NDFIP2: variants seen among roughly 807,000 people sequenced by gnomAD.
The protein encoded by NDFIP2 is Nedd4 family interacting protein 2, also known as NEDD4 family-interacting protein 2.
Under a neutral mutation model 36.0 loss-of-function variants are expected in NDFIP2, and 19 were observed. The ratio of observed to expected loss-of-function variants is 0.53; its 90% CI spans 0.37 to 0.77. NDFIP2 has a LOEUF of 0.77. Among genes scored for constraint, NDFIP2 ranks in the 30% least tolerant of loss-of-function variants. The pLI is 0.00. For missense variants in NDFIP2, 446 were observed against 435.8 expected, an observed-to-expected ratio of 1.02 and a Z score of -0.21; for synonymous variants, 181 against 167.7, an observed-to-expected ratio of 1.08 and a Z score of -0.61.
intron 2 of NDFIP2, among the ~76,000 whole-genome samples, chr13:79,527,890 T>TG (rs879682159): frequency 1.3e-5 from 2 of 152,080 alleles, no homozygotes; most frequent in Non-Finnish European, 2.9e-5. Flanking sequence ...GGGACAAATG[T>TG]GGAGGTGGAA....
intron 2 of NDFIP2, among the ~76,000 whole-genome samples, chr13:79,523,439 C>G (rs1401631801): frequency 6.6e-6 from 1 of 152,094 alleles, no homozygotes; most frequent in Non-Finnish European, 1.5e-5. Context: ...AGGCTGGTCT[C>G]GAACTCCTGA....
chr13:79,523,777 C>T (rs1010258577), intron 2 of NDFIP2, among the ~76,000 whole-genome samples: 3 of 152,130 alleles, frequency 2.0e-5, no homozygotes, highest in Non-Finnish European at 4.4e-5. Flanking sequence ...GTTAAGGCTA[C>T]TATTGATCTT....
At chr13:79,487,099 A>G (rs558028367) in intron 1 of NDFIP2, among the ~76,000 whole-genome samples, 9 of 152,296 alleles carry the variant, frequency 5.9e-5, no homozygotes, top group African/African-American at 2.2e-4. Context: ...GAGAGACACA[A>G]ACATTCAGTT....
chr13:79,500,270 ACTC>A lies in NDFIP2; in HGVS notation c.321+18749_321+18751del, dbSNP rs555173848. ...TAAATGTAAAAGGCAAAACTATAAA[ACTC>A]CTAAAAGATAACATAAGAGAAAAGC... is the stretch of plus-strand genomic sequence containing the variant. On this transcript the variant is annotated intron_variant, in intron 1 of 7. Coordinates refer to ENST00000218652, the MANE Select transcript of NDFIP2 (RefSeq NM_019080.3). Among the ~76,000 whole-genome samples the A allele has an allele frequency of 3.6e-4, 54 of 151,964 alleles. No homozygotes were observed. The South Asian group carries it at 0.011, about 30-fold the overall frequency.
rs1190889696 is a variant in NDFIP2 at position 79,556,061 on chromosome 13, C to T, written c.*3548C>T. Reference sequence around the variant, plus strand: ...GGTTTAATTTTAATAAACAAAATATCATCTTTTTGAAAATAATTTATGTTC... The same window carrying T: ...GGTTTAATTTTAATAAACAAAATATTATCTTTTTGAAAATAATTTATGTTC... On this transcript the variant is annotated 3_prime_UTR_variant, in exon 8 of 8. Coordinates refer to ENST00000218652, the MANE Select transcript of NDFIP2 (RefSeq NM_019080.3). 6.6e-6 allele frequency: 1 copy of T among 152,076 alleles called. No homozygotes were observed. Among genetic ancestry groups the T allele is most frequent in the Admixed American group, 6.6e-5 (1 of 15,258 alleles). 9.4% of individuals were successfully genotyped at this position (152,076 alleles called of 1,614,324 possible). A position where few individuals can be genotyped will look rare whatever the true frequency, so the allele number is the denominator to read the frequency against.
At chr13:79,540,693 T>C (rs1875420612) in intron 4 of NDFIP2, among the ~76,000 whole-genome samples, 1 of 152,188 alleles carries the variant, frequency 6.6e-6, no homozygotes, top group Non-Finnish European at 1.5e-5. Context: ...GTTGTCACTT[T>C]TGAGTCTGAA....
intron 4 of NDFIP2, among the ~76,000 whole-genome samples, chr13:79,543,037 C>G (rs139262490): frequency 6.6e-6 from 1 of 151,998 alleles, no homozygotes; most frequent in Non-Finnish European, 1.5e-5. Flanking sequence ...CCACCACACC[C>G]GGCTAATTTT....
chr13:79,543,658 G>A lies in NDFIP2; in HGVS notation c.816G>A (p.Leu272=). ...YGAICGFGLS[L]IKWILIVRFS... is the part of the protein sequence containing the mutation. ...CTATCTGCGGATTTGGCCTTTCCTT[G>A]ATCAAATGGATCCTTATTGTCAGGG... Residue 272 remains leucine, a synonymous_variant, in exon 5 of 8, where the codon TTG becomes TTA. Transcript: ENST00000218652. The A allele has an allele frequency of 6.2e-7, 1 of 1,613,710 alleles. No homozygotes were observed. The highest frequency in any genetic ancestry group is 1.1e-5 in the South Asian group (1 of 91,040).
At chr13:79,539,863 T>C (rs1056683195) in intron 4 of NDFIP2, 88 bp downstream of exon 4, 10 of 986,974 alleles carry the variant, frequency 1.0e-5, no homozygotes, top group Non-Finnish European at 1.6e-5. Flanking sequence ...AAGCAAATAT[T>C]GTTAGCATAT....
intron 1 of NDFIP2, among the ~76,000 whole-genome samples, chr13:79,503,351 G>A (rs574106155): frequency 9.2e-5 from 14 of 152,260 alleles, no homozygotes; most frequent in African/African-American, 3.1e-4. Flanking sequence ...CCCAAATTGA[G>A]TCTTAATGGG....
chr13:79,494,065 A>AT (rs1038142691), intron 1 of NDFIP2, among the ~76,000 whole-genome samples: 2 of 152,118 alleles, frequency 1.3e-5, no homozygotes, highest in African/African-American at 4.8e-5. Flanking sequence ...TATTTTTAAC[A>AT]TATGCAGTTT....
intron 4 of NDFIP2, among the ~76,000 whole-genome samples, chr13:79,542,512 G>T (rs76508535): frequency 0.041 from 5,876 of 142,552 alleles, 432 homozygotes; most frequent in African/African-American, 0.15. Flanking sequence ...TCTGTTTTTT[G>T]TTTTTTTTTT....
At chr13:79,500,894 A>G (rs1410282185) in intron 1 of NDFIP2, among the ~76,000 whole-genome samples, 1 of 152,076 alleles carries the variant, frequency 6.6e-6, no homozygotes, top group Non-Finnish European at 1.5e-5. Context: ...CTTTATTCAT[A>G]TTTGCCAAAA....
chr13:79,481,283 T>C lies in NDFIP2; in HGVS notation c.80T>C (p.Leu27Pro), dbSNP rs575159219. ...LNSARGAPEL[L>P]RGTATNAEVS... is the part of the protein sequence containing the mutation. ...AGCGCGCGCGGCGCCCCGGAGCTTC[T>C]CCGCGGAACCGCGACCAACGCGGAG... is the stretch of plus-strand genomic sequence containing the variant. The change falls in exon 1 of 8, where the codon CTC (leucine) becomes CCC (proline). Residue 27 changes from leucine to proline, a missense_variant. By Grantham distance (98) the Leu-to-Pro change is moderately conservative. Coordinates refer to ENST00000218652, the MANE Select transcript of NDFIP2 (RefSeq NM_019080.3). The C allele has an allele frequency of 8.5e-6, 13 of 1,538,368 alleles. No individual in the cohort carries two copies. The Admixed American group carries it at 9.8e-5, about 12-fold the overall frequency.
intron 5 of NDFIP2, among the ~76,000 whole-genome samples, chr13:79,545,817 A>C (rs376516985): frequency 1.4e-4 from 21 of 152,134 alleles, no homozygotes; most frequent in East Asian, 9.7e-4. Flanking sequence ...GCTCACTGCA[A>C]CCTCCGCCTC....
intron 2 of NDFIP2, among the ~76,000 whole-genome samples, chr13:79,521,729 CT>C (rs1191472981): frequency 1.3e-5 from 2 of 151,352 alleles, no homozygotes; most frequent in African/African-American, 2.4e-5. Flanking sequence ...AATTCATTTA[CT>C]TTTTTTGTGT....
At chr13:79,507,834 T>C (rs1246356932) in intron 1 of NDFIP2, among the ~76,000 whole-genome samples, 1 of 152,072 alleles carries the variant, frequency 6.6e-6, no homozygotes, top group African/African-American at 2.4e-5. Context: ...CTTGAACTTT[T>C]TTTTTTTTAA....
intron 1 of NDFIP2, among the ~76,000 whole-genome samples, chr13:79,501,589 C>T (rs974701301): frequency 1.3e-5 from 2 of 151,998 alleles, no homozygotes; most frequent in Admixed American, 1.3e-4. Context: ...TGTTCGTCTT[C>T]GATATTCTGA....
At chr13:79,518,673 A>G (rs1318171186) in intron 1 of NDFIP2, among the ~76,000 whole-genome samples, 1 of 152,202 alleles carries the variant, frequency 6.6e-6, no homozygotes, top group Non-Finnish European at 1.5e-5. Context: ...GATGCTTTCC[A>G]AATATTATTT....
Sources: allele counts gnomAD v4.1 joint callset (sites outside exome capture counted in the v4.1 genomes callset), GRCh38; gene constraint gnomAD v4.1.1; transcripts MANE v1.5; gene names NCBI Gene and HGNC (gene_info 2026-07-23, HGNC 2026-07-21).